QRFPR: variants seen among roughly 807,000 people sequenced by gnomAD.
The protein encoded by QRFPR is pyroglutamylated RF-amide peptide receptor.
A neutral mutation model predicts 31.3 loss-of-function variants in QRFPR; 37 were observed. The ratio of observed to expected loss-of-function variants is 1.18; its 90% confidence interval spans 0.91 to 1.56. QRFPR has a LOEUF of 1.56. Ranked by LOEUF, QRFPR falls within the 40% of genes most tolerant of loss-of-function variation. The pLI, the probability that QRFPR is intolerant of heterozygous loss-of-function variation, is 0.00. For missense variants in QRFPR, 542 were observed against 532.5 expected (o/e 1.02, Z -0.18); for synonymous variants, 197 against 192.0 (o/e 1.03, Z -0.22).
intron 1 of QRFPR, among the ~76,000 whole-genome samples, chr4:121,378,559 G>A (rs1028845003): frequency 1.3e-5 from 2 of 151,918 alleles, no homozygotes; most frequent in Non-Finnish European, 2.9e-5. Context: ...GACTATAGGT[G>A]CGTGCCACGA....
intron 1 of QRFPR, among the ~76,000 whole-genome samples, chr4:121,373,880 C>G (rs1442907605): frequency 2.6e-5 from 4 of 152,190 alleles, no homozygotes; most frequent in Middle Eastern, 3.2e-3. Context: ...CCCTCCTTTC[C>G]TTCCAGTTAA....
chr4:121,331,135 G>C (rs1341793588), intron 4 of QRFPR, among the ~76,000 whole-genome samples: 1 of 148,940 alleles, frequency 6.7e-6, no homozygotes, highest in Non-Finnish European at 1.5e-5. Context: ...GGAAGTTCCA[G>C]GGATATAATT....
intron 1 of QRFPR, among the ~76,000 whole-genome samples, chr4:121,350,521 C>T (rs1415710914): frequency 6.6e-6 from 1 of 152,092 alleles, no homozygotes; most frequent in Admixed American, 6.6e-5. Context: ...GTCTTCTTTG[C>T]AAGAGTAACA....
chr4:121,376,966 C>G (rs1238898363), intron 1 of QRFPR, among the ~76,000 whole-genome samples: 3 of 152,064 alleles, frequency 2.0e-5, no homozygotes, highest in Non-Finnish European at 2.9e-5. Context: ...TGGTCCCCAG[C>G]AAGAAAGAGG....
chr4:121,367,536 G>A (rs1726152506), intron 1 of QRFPR, among the ~76,000 whole-genome samples: 1 of 150,054 alleles, frequency 6.7e-6, no homozygotes, highest in African/African-American at 2.5e-5. Context: ...GGTTTTTACA[G>A]TTGCTTTGTA....
chr4:121,336,843 G>A lies in QRFPR; in HGVS notation c.525C>T (p.Ile175=), dbSNP rs149756981. The change falls in exon 3 of 6, where the codon ATC becomes ATT. Residue 175 remains isoleucine (I), a synonymous_variant. Coordinates refer to ENST00000394427, the MANE Select transcript of QRFPR (RefSeq NM_198179.3). ...MLGVVWLVAV[I]VGSPMWHVQQ... ...GCACGTGCCACATGGGTGATCCTAC[G>A]ATGACTGCCACCAGCCAGACCACAC... 3.5e-4 allele frequency: 563 copies of A among 1,614,054 alleles called. No homozygotes were observed. The highest frequency in any genetic ancestry group is 4.2e-4 in the Non-Finnish European group (496 of 1,179,912).
At chr4:121,356,129 A>G (rs1454401346) in intron 1 of QRFPR, among the ~76,000 whole-genome samples, 3 of 152,256 alleles carry the variant, frequency 2.0e-5, no homozygotes, top group African/African-American at 7.2e-5. Flanking sequence ...TTCTGTTTAG[A>G]TGATCTCTCC....
chr4:121,336,515 G>A (rs1725440448), intron 3 of QRFPR, among the ~76,000 whole-genome samples: 1 of 152,092 alleles, frequency 6.6e-6, no homozygotes, highest in Non-Finnish European at 1.5e-5. Context: ...AAACATTTAG[G>A]GACACTGGGA....
intron 1 of QRFPR, among the ~76,000 whole-genome samples, chr4:121,353,765 T>C (rs1725810316): frequency 6.6e-6 from 1 of 152,064 alleles, no homozygotes; most frequent in Admixed American, 6.6e-5. Context: ...GCTTTTGAGG[T>C]TTTACTCAAG....
At chr4:121,343,898 A>C (rs1383717096) in intron 1 of QRFPR, among the ~76,000 whole-genome samples, 1 of 152,216 alleles carries the variant, frequency 6.6e-6, no homozygotes, top group African/African-American at 2.4e-5. Context: ...CATTGATATC[A>C]GTATACACTC....
chr4:121,331,175 G>GT (rs397995185), intron 4 of QRFPR, among the ~76,000 whole-genome samples: 3,992 of 69,060 alleles, frequency 0.058, 872 homozygotes, highest in African/African-American at 0.21. Flanking sequence ...TATATCTTGG[G>GT]TTTTTTTTTT....
chr4:121,332,633 G>C (rs556818917), intron 4 of QRFPR, among the ~76,000 whole-genome samples, 188 bp downstream of exon 4: 2 of 152,272 alleles, frequency 1.3e-5, no homozygotes, highest in Admixed American at 1.3e-4. Context: ...TTGCGAGCTG[G>C]TAGTCTTGTT....
In QRFPR at chr4:121,333,330, A is replaced by G. The variant is rs190255242; in HGVS notation, c.562-274T>C. On this transcript the variant is annotated intron_variant, in intron 3 of 5. Transcript: ENST00000394427. ...TTACTTTCATTTATTGTCTTTCTCAACTTCTATTTCCACTAGTCACAAGTT... is the reference window on the plus strand; with the variant it reads ...TTACTTTCATTTATTGTCTTTCTCAGCTTCTATTTCCACTAGTCACAAGTT... Among the ~76,000 whole-genome samples, 10 of 152,254 alleles carry G rather than the reference A, an allele frequency of 6.6e-5. No individual in the cohort carries two copies. The East Asian group carries it at 1.9e-3, about 29-fold the overall frequency.
chr4:121,377,854 T>C (rs1726386349), intron 1 of QRFPR, among the ~76,000 whole-genome samples: 1 of 152,172 alleles, frequency 6.6e-6, no homozygotes, highest in Non-Finnish European at 1.5e-5. Context: ...AATAATAAAT[T>C]ATGAATTAAT....
In QRFPR at chr4:121,329,727, A is replaced by C; in HGVS notation, c.896-13T>G. On this transcript the variant is annotated splice_polypyrimidine_tract_variant and intron_variant, in intron 5 of 5. Coordinates refer to ENST00000394427, the MANE Select transcript of QRFPR (RefSeq NM_198179.3). ...TTTTCAAAATTACCTGAAATAAAGT[A>C]ATATTTTAGAATGTACGTTTATTTT... The C allele has an allele frequency of 6.9e-7, 1 of 1,439,300 alleles. No individual in the cohort carries two copies. The highest frequency in any genetic ancestry group is 9.3e-7 in the Non-Finnish European group (1 of 1,071,004). The allele number at this position is 1,439,300 out of a possible 1,614,324, so 89.2% of individuals were successfully genotyped here. A position where few individuals can be genotyped will look rare whatever the true frequency, so the allele number is the denominator to read the frequency against.
intron 1 of QRFPR, among the ~76,000 whole-genome samples, chr4:121,346,196 T>A (rs934729529): frequency 4.6e-5 from 7 of 152,198 alleles, no homozygotes; most frequent in Admixed American, 3.3e-4. Flanking sequence ...TGGCATGTAA[T>A]TACCTTAATT....
At chr4:121,376,781 A>C (rs1430539273) in intron 1 of QRFPR, among the ~76,000 whole-genome samples, 1 of 152,126 alleles carries the variant, frequency 6.6e-6, no homozygotes, top group Non-Finnish European at 1.5e-5. Flanking sequence ...CCTTCAGGAG[A>C]TTCTCTGTGT....
At chr4:121,379,491 C>T (rs1225363134) in intron 1 of QRFPR, among the ~76,000 whole-genome samples, 8 of 152,226 alleles carry the variant, frequency 5.3e-5, no homozygotes, top group Non-Finnish European at 1.0e-4. Context: ...ACTACTGCTC[C>T]TGGGTTTACA....
At chr4:121,375,421 A>G (rs984659839) in intron 1 of QRFPR, among the ~76,000 whole-genome samples, 15 of 152,198 alleles carry the variant, frequency 9.9e-5, no homozygotes, top group African/African-American at 3.6e-4. Context: ...TTCCACAGAA[A>G]CACAGCTTTC....
Sources: gnomAD v4.1 joint callset for allele counts (sites outside exome capture counted in the v4.1 genomes callset) on GRCh38, gnomAD v4.1.1 for gene constraint, MANE v1.5 for transcripts, NCBI Gene and HGNC (gene_info 2026-07-23, HGNC 2026-07-21) for gene names.